The following FABP7 variants were observed in gnomAD, a reference collection of about 807,000 sequenced individuals.
The protein encoded by FABP7 is fatty acid-binding protein, brain.
FABP7 carries 13 observed loss-of-function variants against 14.2 expected under a neutral mutation model. The observed-to-expected ratio is 0.91, with a 90% CI of 0.59 to 1.45. The LOEUF (loss-of-function observed/expected upper bound fraction) is 1.45, where lower values mean the gene tolerates loss of function less well. Ranked by LOEUF, FABP7 falls within the 40% of genes most tolerant of loss-of-function variation. The pLI is 0.00. For synonymous variants in FABP7, 49 were observed against 51.4 expected, an observed-to-expected ratio of 0.95 and a Z score of 0.20; for missense variants, 149 against 157.6, an observed-to-expected ratio of 0.95 and a Z score of 0.29.
chr6:122,750,276 C>T, the FABP7 span, among the ~76,000 whole-genome samples: 1 of 151,970 alleles, frequency 6.6e-6, no homozygotes, highest in Non-Finnish European at 1.5e-5. Flanking sequence ...GCTTTGCATG[C>T]ACTGAATATG....
the FABP7 span, among the ~76,000 whole-genome samples, chr6:122,755,497 A>C: frequency 1.0e-4 from 14 of 134,404 alleles, no homozygotes; most frequent in African/African-American, 3.9e-4. Flanking sequence ...CTCGCTCTGT[A>C]GCCCAGGCTG....
chr6:122,750,575 T>G, the FABP7 span, among the ~76,000 whole-genome samples: 1 of 152,216 alleles, frequency 6.6e-6, no homozygotes, highest in African/African-American at 2.4e-5. Context: ...TTGTTACCCA[T>G]GTCTTTGGAT....
At chr6:122,780,803 T>C (rs1271610364) in intron 2 of FABP7, among the ~76,000 whole-genome samples, 1 of 152,228 alleles carries the variant, frequency 6.6e-6, no homozygotes, top group Non-Finnish European at 1.5e-5. Flanking sequence ...AAATAGACAG[T>C]TTGCCTCATT....
upstream of FABP7, among the ~76,000 whole-genome samples, chr6:122,778,524 G>A (rs1780712183): frequency 6.6e-6 from 1 of 152,132 alleles, no homozygotes; most frequent in African/African-American, 2.4e-5. Context: ...GGAGAGAGAA[G>A]GGCAGGGAAT....
chr6:122,783,018 G>A, intron 3 of FABP7: 1 of 985,364 alleles, frequency 1.0e-6, no homozygotes, highest in Non-Finnish European at 1.2e-6. Flanking sequence ...CAAAAAGGAA[G>A]ACTAAAGCAA....
At chr6:122,757,863 A>T in the FABP7 span, among the ~76,000 whole-genome samples, 8 of 152,110 alleles carry the variant, frequency 5.3e-5, no homozygotes, top group Non-Finnish European at 1.5e-5. Flanking sequence ...AAATATTAGT[A>T]TTCCCGTTAC....
At chr6:122,761,134 T>G in the FABP7 span, among the ~76,000 whole-genome samples, 1 of 152,180 alleles carries the variant, frequency 6.6e-6, no homozygotes, top group African/African-American at 2.4e-5. Context: ...TGCTTTGAAC[T>G]TGAATCGTGA....
chr6:122,752,925 A>G, the FABP7 span, among the ~76,000 whole-genome samples: 65 of 152,292 alleles, frequency 4.3e-4, no homozygotes, highest in East Asian at 0.011. Context: ...TGTTGAGTCC[A>G]CTAACTAAGC....
the FABP7 span, among the ~76,000 whole-genome samples, chr6:122,752,934 G>A: frequency 1.3e-5 from 2 of 152,156 alleles, no homozygotes; most frequent in African/African-American, 4.8e-5. Context: ...CACTAACTAA[G>A]CCTGTGTTGT....
the FABP7 span, among the ~76,000 whole-genome samples, chr6:122,768,926 A>T: frequency 1.3e-5 from 2 of 152,138 alleles, no homozygotes; most frequent in Non-Finnish European, 2.9e-5. Context: ...AGGAATGAGG[A>T]TATCACCATT....
the FABP7 span, among the ~76,000 whole-genome samples, chr6:122,769,482 T>A: frequency 6.6e-6 from 1 of 152,158 alleles, no homozygotes; most frequent in East Asian, 1.9e-4. Flanking sequence ...TTACGTAGCA[T>A]CATTTTACTT....
intron 3 of FABP7, chr6:122,782,126 A>G (rs1780804899): frequency 1.0e-6 from 1 of 984,374 alleles, no homozygotes; most frequent in Non-Finnish European, 1.2e-6. Context: ...TTAAACATAT[A>G]TATTCAATAC....
intron 3 of FABP7, chr6:122,782,253 G>A: frequency 4.3e-6 from 4 of 922,846 alleles, no homozygotes; most frequent in Non-Finnish European, 5.2e-6. Flanking sequence ...CACAAACTTG[G>A]TGGCTTAAAA....
chr6:122,778,448 A>G (rs79279306), upstream of FABP7, among the ~76,000 whole-genome samples: 778 of 152,252 alleles, frequency 5.1e-3, 15 homozygotes, highest in East Asian at 0.051. Context: ...AGGCCTTCTG[A>G]GCCTTCTCTG....
At chr6:122,780,642 C>T (rs1200436059) in intron 2 of FABP7, 179 bp downstream of exon 2, 1 of 649,624 alleles carries the variant, frequency 1.5e-6, no homozygotes, top group Non-Finnish European at 2.6e-6. Flanking sequence ...ACAATGGGTA[C>T]TTGCTATAGC....
intron 3 of FABP7, 118 bp downstream of exon 3, chr6:122,781,312 A>T (rs1391797580): frequency 6.5e-7 from 1 of 1,550,232 alleles, no homozygotes; most frequent in Admixed American, 2.0e-5. Context: ...CTTCTTTAAT[A>T]ATACATCACT....
chr6:122,771,593 G>A, the FABP7 span, among the ~76,000 whole-genome samples: 1 of 152,160 alleles, frequency 6.6e-6, no homozygotes, highest in Non-Finnish European at 1.5e-5. Flanking sequence ...CATATGGCAT[G>A]GCACAAAACT....
At chr6:122,768,220 A>G in the FABP7 span, among the ~76,000 whole-genome samples, 117,456 of 151,988 alleles carry the variant, frequency 0.77, 47,998 homozygotes, top group Non-Finnish European at 0.89. Context: ...AATATTAAGC[A>G]TTGGGGAATA....
chr6:122,783,901 T>C lies in FABP7; in HGVS notation c.*134T>C, dbSNP rs1780856505. 1 of 667,706 alleles carries C rather than the reference T, an allele frequency of 1.5e-6. No homozygotes were observed. The highest frequency in any genetic ancestry group is 1.9e-5 in the African/African-American group (1 of 51,986). The allele number at this position is 667,706 out of a possible 1,614,324, so 41.4% of individuals were successfully genotyped here. On this transcript the variant is annotated 3_prime_UTR_variant, in exon 4 of 4. Transcript: ENST00000368444. ...GGTGTGGAGGTGGAAAATGGTGATTTAAAAACTTGTTACTCCAAGCAACTT... is the reference window on the plus strand; with the variant it reads ...GGTGTGGAGGTGGAAAATGGTGATTCAAAAACTTGTTACTCCAAGCAACTT...
Sources: gnomAD v4.1 joint callset for allele counts (sites outside exome capture counted in the v4.1 genomes callset) on GRCh38, gnomAD v4.1.1 for gene constraint, MANE v1.5 for transcripts, NCBI Gene and HGNC (gene_info 2026-07-23, HGNC 2026-07-21) for gene names.